Variants in SLC7A2 observed in about 807,000 individuals in gnomAD.
SLC7A2 encodes solute carrier family 7 member 2.
Under a neutral mutation model 58.9 loss-of-function variants are expected in SLC7A2, and 48 were observed. The ratio of observed to expected loss-of-function variants is 0.82; its 90% confidence interval spans 0.65 to 1.04. The LOEUF is 1.04. SLC7A2 is among the 50% of genes least tolerant of loss of function. The pLI is 0.00. For missense variants in SLC7A2, 1,029 were observed against 818.8 expected, an observed-to-expected ratio of 1.26 and a Z score of -3.13; for synonymous variants, 363 against 314.5, an observed-to-expected ratio of 1.15 and a Z score of -1.63.
At chr8:17,499,591 T>C (rs1224503054) in intron 1 of SLC7A2, among the ~76,000 whole-genome samples, 1 of 150,690 alleles carries the variant, frequency 6.6e-6, no homozygotes, top group Non-Finnish European at 1.5e-5. Flanking sequence ...GACTACCTAC[T>C]AGATGCCAAA....
chr8:17,503,216 A>AATTT (rs1436878673), intron 2 of SLC7A2, among the ~76,000 whole-genome samples: 222 of 151,728 alleles, frequency 1.5e-3, no homozygotes, highest in African/African-American at 5.1e-3. Flanking sequence ...ACGCCCGGCT[A>AATTT]ATTTTTTGTA....
At chr8:17,546,964 G>T (rs768047661) in intron 4 of SLC7A2, among the ~76,000 whole-genome samples, 3 of 152,164 alleles carry the variant, frequency 2.0e-5, no homozygotes, top group Non-Finnish European at 2.9e-5. Flanking sequence ...ATGTTTAAGA[G>T]ATTTTTTTCA....
At position 17,551,986 on chromosome 8, in the gene SLC7A2, G is replaced by A. The variant is rs1459034650; in HGVS notation, c.1055G>A (p.Ser352Asn). The A allele has an allele frequency of 6.2e-7, 1 of 1,613,572 alleles. No individual in the cohort carries two copies. The highest frequency in any genetic ancestry group is 8.5e-7 in the Non-Finnish European group (1 of 1,179,714). ...GGTTCTCTCTGCGCCTTGTCAACAA[G>A]GTACATTGCATCGCCTTTGGGGCAC... Reference protein sequence around the residue: ...AAGSLCALSTSLLGSIFPMPR... With the variant: ...AAGSLCALSTNLLGSIFPMPR... The change falls in exon 7 of 13, where the codon AGT (serine) becomes AAT (asparagine). Residue 352 changes from serine to asparagine, a missense_variant and splice_region_variant. By Grantham distance (46) the Ser-to-Asn change is conservative (BLOSUM62 1). Transcript: ENST00000494857.
chr8:17,543,889 A>C (rs927618432), intron 3 of SLC7A2, among the ~76,000 whole-genome samples, 174 bp downstream of exon 3: 5 of 152,152 alleles, frequency 3.3e-5, no homozygotes, highest in Middle Eastern at 3.4e-3. Context: ...GTTTTTTTTA[A>C]GACAGTCTCA....
chr8:17,523,787 C>G (rs982665523), intron 2 of SLC7A2, among the ~76,000 whole-genome samples: 1 of 152,146 alleles, frequency 6.6e-6, no homozygotes, highest in Non-Finnish European at 1.5e-5. Flanking sequence ...TAAAAAGCTT[C>G]TCCACAGCAA....
chr8:17,498,217 C>A (rs1263004044), intron 1 of SLC7A2, among the ~76,000 whole-genome samples: 5 of 152,184 alleles, frequency 3.3e-5, no homozygotes, highest in African/African-American at 1.2e-4. Flanking sequence ...AACACTAATC[C>A]TTTTAATGAG....
At chr8:17,559,869 GT>G (rs1802881155) in intron 9 of SLC7A2, among the ~76,000 whole-genome samples, 1 of 152,160 alleles carries the variant, frequency 6.6e-6, no homozygotes, top group South Asian at 2.1e-4. Flanking sequence ...GCTTGTCTGG[GT>G]TTAGCTAGAA....
intron 7 of SLC7A2, among the ~76,000 whole-genome samples, chr8:17,554,091 A>G (rs1032222515): frequency 2.0e-5 from 3 of 152,232 alleles, no homozygotes; most frequent in Non-Finnish European, 4.4e-5. Flanking sequence ...GGTACAATAA[A>G]TGCAAAAAAT....
intron 4 of SLC7A2, among the ~76,000 whole-genome samples, chr8:17,547,653 A>G (rs995696898): frequency 6.6e-6 from 1 of 152,216 alleles, no homozygotes; most frequent in Non-Finnish European, 1.5e-5. Context: ...TGTCAGTGCT[A>G]TTTATAATTG....
chr8:17,530,256 G>C (rs913007735), intron 2 of SLC7A2, among the ~76,000 whole-genome samples: 5 of 152,222 alleles, frequency 3.3e-5, no homozygotes, highest in Non-Finnish European at 5.9e-5. Context: ...GGATAAGAAA[G>C]AACCTTCTTG....
chr8:17,561,621 A>G lies in SLC7A2; in HGVS notation c.1505-323A>G, dbSNP rs538264099. Among the ~76,000 whole-genome samples the G allele has an allele frequency of 1.3e-3, 200 of 152,276 alleles. 1 individual carries two copies. The highest frequency in any genetic ancestry group is 4.8e-3 in the South Asian group (23 of 4,818). On this transcript the variant is annotated intron_variant, in intron 10 of 12. Coordinates refer to ENST00000494857, the MANE Select transcript of SLC7A2 (RefSeq NM_001370338.1). Reference sequence around the variant, plus strand: ...CCATTTGAAAAAAGGGAAGTATCCAACCCCGACAGCATTCTAGTCTGAAAG... The same window carrying G: ...CCATTTGAAAAAAGGGAAGTATCCAGCCCCGACAGCATTCTAGTCTGAAAG...
At chr8:17,530,177 C>G (rs911536218) in intron 2 of SLC7A2, among the ~76,000 whole-genome samples, 14 of 152,102 alleles carry the variant, frequency 9.2e-5, no homozygotes, top group African/African-American at 2.9e-4. Flanking sequence ...CTACGTTCCC[C>G]CCTGCCCCCC....
chr8:17,510,885 T>C (rs1448309878), intron 2 of SLC7A2: 6 of 152,048 alleles, frequency 3.9e-5, no homozygotes, highest in Non-Finnish European at 8.8e-5. Flanking sequence ...ATAAAGAAAA[T>C]GTGCCACATA....
chr8:17,521,321 C>T (rs1801005328), intron 2 of SLC7A2, among the ~76,000 whole-genome samples: 1 of 152,108 alleles, frequency 6.6e-6, no homozygotes, highest in Non-Finnish European at 1.5e-5. Flanking sequence ...TCGTAAATGG[C>T]CTATGTTGGT....
chr8:17,552,406 C>A (rs1051818356), intron 7 of SLC7A2, among the ~76,000 whole-genome samples: 1 of 152,196 alleles, frequency 6.6e-6, no homozygotes, highest in Non-Finnish European at 1.5e-5. Flanking sequence ...TTGCATTTGC[C>A]ACACTCTGTT....
chr8:17,554,378 C>T (rs1181382204), intron 7 of SLC7A2, among the ~76,000 whole-genome samples, 182 bp from the exon 8 acceptor site: 1 of 151,852 alleles, frequency 6.6e-6, no homozygotes, highest in Non-Finnish European at 1.5e-5. Context: ...TAAATATTAG[C>T]AAATTTTTTA....
At chr8:17,514,830 C>T (rs1432471750) in intron 2 of SLC7A2, among the ~76,000 whole-genome samples, 1 of 152,130 alleles carries the variant, frequency 6.6e-6, no homozygotes, top group Non-Finnish European at 1.5e-5. Context: ...AGTGGAGACC[C>T]TGTGATAAGT....
intron 4 of SLC7A2, among the ~76,000 whole-genome samples, chr8:17,546,228 G>T (rs1259269916): frequency 1.3e-5 from 2 of 152,216 alleles, no homozygotes; most frequent in African/African-American, 4.8e-5. Flanking sequence ...GCATGTAGCT[G>T]TGACACAATT....
At position 17,537,388 on chromosome 8, in the gene SLC7A2, C is replaced by G. The variant is rs373311871; in HGVS notation, c.-22-5930C>G. ...GCTTCTACTGCCAGCCTGTGGGTTT[C>G]TGCACCTTGTCAAGCTGGTCCCCAG... is the stretch of plus-strand genomic sequence containing the variant. On this transcript the variant is annotated intron_variant, in intron 2 of 12. Transcript: ENST00000494857. 7.2e-5 allele frequency among the ~76,000 whole-genome samples: 11 copies of G among 152,292 alleles called. No individual in the cohort carries two copies. The East Asian group carries it at 1.9e-3, about 27-fold the overall frequency.
Sources: gnomAD v4.1 joint callset for allele counts (sites outside exome capture counted in the v4.1 genomes callset) on GRCh38, gnomAD v4.1.1 for gene constraint, MANE v1.5 for transcripts, NCBI Gene and HGNC (gene_info 2026-07-23, HGNC 2026-07-21) for gene names.